Variants in DNAH2 observed in about 807,000 individuals in gnomAD.
DNAH2 encodes dynein axonemal heavy chain 2, also known as axonemal beta dynein heavy chain 2.
DNAH2 carries 323 observed loss-of-function variants against 523.5 expected under a neutral mutation model. That is an observed-to-expected ratio of 0.62 (90% CI 0.56 to 0.68). The LOEUF (loss-of-function observed/expected upper bound fraction) is 0.68, where lower values mean the gene tolerates loss of function less well. Ranked by LOEUF, DNAH2 falls within the 30% of genes least tolerant of loss-of-function variation. The pLI is 0.00. For missense variants in DNAH2, 4,907 were observed against 5,701.5 expected (o/e 0.86, Z 4.49); for synonymous variants, 2,093 against 2,177.4 (o/e 0.96, Z 1.08).
intron 8 of DNAH2, chr17:7,738,131 C>A (rs2075196647): frequency 1.4e-6 from 1 of 703,130 alleles, no homozygotes; most frequent in African/African-American, 1.7e-5. Flanking sequence ...GTATGATACG[C>A]CTCCCCTAAC....
At chr17:7,747,519 G>A (rs914930001) in intron 12 of DNAH2, among the ~76,000 whole-genome samples, 8 of 152,072 alleles carry the variant, frequency 5.3e-5, no homozygotes, top group Admixed American at 2.6e-4. Flanking sequence ...GCAGCACTGT[G>A]TTTACTGAAA....
At chr17:7,731,134 T>TAATTA (rs71159524) in intron 4 of DNAH2, among the ~76,000 whole-genome samples, 66,606 of 148,580 alleles carry the variant, frequency 0.45, 15,460 homozygotes, top group East Asian at 0.72. Flanking sequence ...ATAAATAAAT[T>TAATTA]AATTAAATTA....
At chr17:7,805,725 A>C (rs1219476188) in intron 61 of DNAH2, among the ~76,000 whole-genome samples, 1 of 152,076 alleles carries the variant, frequency 6.6e-6, no homozygotes, top group Non-Finnish European at 1.5e-5. Flanking sequence ...ATGATGGTGC[A>C]TGCCTGTAGT....
At chr17:7,805,508 A>T in intron 61 of DNAH2, 115 bp downstream of exon 61, 1 of 1,458,106 alleles carries the variant, frequency 6.9e-7, no homozygotes, top group Non-Finnish European at 9.3e-7. Context: ...TCTTACCCTC[A>T]AGAGCACAGG....
intron 12 of DNAH2, among the ~76,000 whole-genome samples, chr17:7,753,267 C>T (rs1255919819): frequency 6.6e-6 from 1 of 151,934 alleles, no homozygotes; most frequent in Non-Finnish European, 1.5e-5. Context: ...TGTTTCTAGA[C>T]ACATTGAGTT....
At chr17:7,800,162 G>A (rs1976263) in intron 56 of DNAH2, among the ~76,000 whole-genome samples, 2 of 152,056 alleles carry the variant, frequency 1.3e-5, no homozygotes, top group Non-Finnish European at 2.9e-5. Flanking sequence ...AGTAATCTTC[G>A]TGCCTTAGCC....
Position 7,823,827 on chromosome 17 carries a change from TC to T in DNAH2, c.11330-3del. On this transcript the variant is annotated splice_polypyrimidine_tract_variant and splice_region_variant and intron_variant, in intron 74 of 85. Coordinates refer to ENST00000572933, the MANE Select transcript of DNAH2 (RefSeq NM_020877.5). ...CCTCTCCCTGCAATGACTCACCTCA[TC>T]CCCAGGTGAGTGGGAAAATGCCTGC... The T allele has an allele frequency of 6.2e-7, 1 of 1,613,644 alleles. No individual in the cohort carries two copies. The highest frequency in any genetic ancestry group is 1.3e-5 in the African/African-American group (1 of 75,014).
At chr17:7,742,685 T>A (rs2075386899) in intron 11 of DNAH2, among the ~76,000 whole-genome samples, 1 of 152,234 alleles carries the variant, frequency 6.6e-6, no homozygotes, top group Non-Finnish European at 1.5e-5. Flanking sequence ...CTAAACAAAT[T>A]CTCTGTGCTT....
In DNAH2 at chr17:7,833,481, C is replaced by G; in HGVS notation, c.13232C>G (p.Pro4411Arg). The G allele has an allele frequency of 1.9e-6, 3 of 1,614,156 alleles. No homozygotes were observed. The South Asian group carries it at 3.3e-5, about 18-fold the overall frequency. Residue 4411 changes from proline to arginine, a missense_variant, in exon 86 of 86, where the codon CCT (proline) becomes CGT (arginine). Coordinates refer to ENST00000572933, the MANE Select transcript of DNAH2 (RefSeq NM_020877.5). The stretch of plus-strand genomic sequence containing the variant: ...GACCTGCGGTCTGGGGCCATGACAC[C>G]TGATCATTGGATCAAGAGGGGCACT... ...GIDLRSGAMT[P>R]DHWIKRGTAL...
At chr17:7,827,049 T>C (rs978500062) in intron 77 of DNAH2, among the ~76,000 whole-genome samples, 1 of 152,138 alleles carries the variant, frequency 6.6e-6, no homozygotes, top group African/African-American at 2.4e-5. Context: ...AATGCAACCA[T>C]TGCTATATAT....
In DNAH2 at chr17:7,734,271, A is replaced by G. The variant is rs1447699013; in HGVS notation, c.717A>G (p.Lys239=). 6.2e-7 allele frequency: 1 copy of G among 1,607,484 alleles called. No homozygotes were observed. Among genetic ancestry groups the G allele is most frequent in the Non-Finnish European group, 8.5e-7 (1 of 1,176,822 alleles). Residue 239 remains lysine, a synonymous_variant, in exon 6 of 86, where the codon AAA becomes AAG. Coordinates refer to ENST00000572933, the MANE Select transcript of DNAH2 (RefSeq NM_020877.5). ...AGCCTGAGATGGTGATAAAGGACAA[A>G]GAGCTGGTGCAACGGCTAGAGAGTG... ...NMKPEMVIKD[K]ELVQRLETSM...
chr17:7,791,965 T>C lies in DNAH2; in HGVS notation c.6949T>C (p.Phe2317Leu). ...ENYVTMVEMT[F>L]VFSMIWSVCA... Reference sequence around the variant, plus strand: ...CTATGTCACCATGGTAGAGATGACATTTGTGTTCAGCATGATCTGGTCTGT... The same window carrying C: ...CTATGTCACCATGGTAGAGATGACACTTGTGTTCAGCATGATCTGGTCTGT... Residue 2317 changes from phenylalanine to leucine, a missense_variant, in exon 45 of 86, where the codon TTT becomes CTT. Physicochemically the swap from Phe to Leu is conservative, Grantham distance 22 (BLOSUM62 0). Coordinates refer to ENST00000572933, the MANE Select transcript of DNAH2 (RefSeq NM_020877.5). 2 of 1,613,996 alleles carry C rather than the reference T, an allele frequency of 1.2e-6. No homozygotes were observed. Among genetic ancestry groups the C allele is most frequent in the South Asian group, 1.1e-5 (1 of 91,052 alleles).
chr17:7,821,275 AACT>A lies in DNAH2; in HGVS notation c.11053_11055del (p.Leu3685del), dbSNP rs1423390270. 6.2e-7 allele frequency: 1 copy of A among 1,613,718 alleles called. No individual in the cohort carries two copies. The highest frequency in any genetic ancestry group is 1.7e-4 in the Middle Eastern group (1 of 6,058). On this transcript the variant is annotated inframe_deletion, in exon 73 of 86. Transcript: ENST00000572933. This position sits in a 1 kb window ranked among gnomAD's most constrained non-coding sequence, Gnocchi z 5.0. ...TGCCGTACCCTTTTCGAACGCCACA[AACT>A]ACTATTCAGTTTTCATATGTGTGCC...
chr17:7,762,187 A>G (rs1850272903), intron 18 of DNAH2, among the ~76,000 whole-genome samples: 1 of 152,218 alleles, frequency 6.6e-6, no homozygotes, highest in African/African-American at 2.4e-5. Flanking sequence ...GTGCTCGTGT[A>G]CTGTGTTATT....
Position 7,727,246 on chromosome 17 carries a change from T to A in DNAH2, c.353T>A (p.Ile118Asn), listed in dbSNP as rs142363026. ...ACAGAATCCATCCTCACCATCTTCATTGACCCTTGTTTTGGGCTGAAGCTA... is the reference window on the plus strand; with the variant it reads ...ACAGAATCCATCCTCACCATCTTCAATGACCCTTGTTTTGGGCTGAAGCTA... ...DPTESILTIF[I>N]DPCFGLKLEL... The change falls in exon 4 of 86, where the codon ATT becomes AAT. Residue 118 changes from isoleucine to asparagine, a missense_variant. Around this residue, in one of 3 missense-constraint regions of DNAH2, gnomAD observed 2,806 missense variants for 3,190.8 expected, o/e 0.88. Transcript: ENST00000572933. 190 of 1,611,974 alleles carry A rather than the reference T, an allele frequency of 1.2e-4. No individual in the cohort carries two copies. The highest frequency in any genetic ancestry group is 1.6e-4 in the Non-Finnish European group (185 of 1,179,162).
chr17:7,792,543 C>T, intron 46 of DNAH2, 114 bp from the exon 47 acceptor site: 1 of 1,031,912 alleles, frequency 9.7e-7, no homozygotes, highest in Non-Finnish European at 1.4e-6. Flanking sequence ...GATCCCCAGG[C>T]CCCACAGGAG....
chr17:7,824,881 A>G (rs988833699), intron 77 of DNAH2, among the ~76,000 whole-genome samples, 154 bp downstream of exon 77: 1 of 152,198 alleles, frequency 6.6e-6, no homozygotes, highest in African/African-American at 2.4e-5. Context: ...AAACTCCTAG[A>G]ACACAATAAT....
In DNAH2 at chr17:7,831,570, G is replaced by C. The variant is rs1336502660; in HGVS notation, c.12611+29G>C. 23 of 1,613,926 alleles carry C rather than the reference G, an allele frequency of 1.4e-5. 1 individual carries two copies. Among genetic ancestry groups the C allele is most frequent in the East Asian group, 2.2e-5 (1 of 44,902 alleles). ...AGACAGAGGGGGACTCTGCGGAACAGGGGAGGGTGTGAGGAGAAGCCTTTG... is the reference window on the plus strand; with the variant it reads ...AGACAGAGGGGGACTCTGCGGAACACGGGAGGGTGTGAGGAGAAGCCTTTG... On this transcript the variant is annotated intron_variant, in intron 81 of 85. Transcript: ENST00000572933. This position sits in a 1 kb window ranked among gnomAD's most constrained non-coding sequence, Gnocchi z 4.2.
rs2076574938 is a variant in DNAH2 at position 7,780,527 on chromosome 17, C to T, written c.5851-103C>T. 6.5e-7 allele frequency: 1 copy of T among 1,532,256 alleles called. No homozygotes were observed. Among genetic ancestry groups the T allele is most frequent in the Non-Finnish European group, 8.9e-7 (1 of 1,128,400 alleles). 94.9% of individuals were successfully genotyped at this position (1,532,256 alleles called of 1,614,324 possible). ...GAATCCATAGAGTGCCTCCTAGCTG[C>T]TTCATGTCCTGGGACCTGGCTTCTT... On this transcript the variant is annotated intron_variant, in intron 37 of 85. Coordinates refer to ENST00000572933, the MANE Select transcript of DNAH2 (RefSeq NM_020877.5). This position sits in a 1 kb window ranked among gnomAD's most constrained non-coding sequence, Gnocchi z 4.4.
Sources: allele counts gnomAD v4.1 joint callset (sites outside exome capture counted in the v4.1 genomes callset), GRCh38; gene constraint gnomAD v4.1.1; regional missense constraint gnomAD v4.1.1; non-coding constraint Gnocchi (gnomAD v3.1); transcripts MANE v1.5; gene names NCBI Gene and HGNC (gene_info 2026-07-23, HGNC 2026-07-21).